PDZD2: variants seen among roughly 807,000 people sequenced by gnomAD.
PDZD2 encodes the protein PDZ domain-containing protein 2.
Under a neutral mutation model 220.7 loss-of-function variants are expected in PDZD2, and 90 were observed. The ratio of observed to expected loss-of-function variants is 0.41; its 90% CI spans 0.34 to 0.49. The LOEUF is 0.49. Among genes scored for constraint, PDZD2 ranks in the 20% least tolerant of loss-of-function variants. The pLI is 0.28. For missense variants in PDZD2, 3,174 were observed against 3,608.5 expected (o/e 0.88, Z 3.08); for synonymous variants, 1,375 against 1,450.5 (o/e 0.95, Z 1.18).
chr5:31,981,712 G>A (rs915184218), intron 2 of PDZD2, among the ~76,000 whole-genome samples: 4 of 152,170 alleles, frequency 2.6e-5, no homozygotes, highest in African/African-American at 4.8e-5. Flanking sequence ...TTGGGAACGA[G>A]TGATGTGTAG....
intron 2 of PDZD2, among the ~76,000 whole-genome samples, chr5:31,966,118 A>G (rs1199796864): frequency 6.6e-6 from 1 of 152,178 alleles, no homozygotes. Context: ...GTTGAATCCC[A>G]GCTCTACTGT....
At chr5:31,977,842 C>T (rs1035334581) in intron 2 of PDZD2, among the ~76,000 whole-genome samples, 6 of 152,252 alleles carry the variant, frequency 3.9e-5, no homozygotes, top group Non-Finnish European at 7.4e-5. Context: ...GGCATGGTAG[C>T]GTGCACCCGT....
chr5:31,711,144 G>A (rs989298695), intron 1 of PDZD2, among the ~76,000 whole-genome samples: 2 of 152,120 alleles, frequency 1.3e-5, no homozygotes, highest in African/African-American at 4.8e-5. Context: ...CAGGGTCCAC[G>A]CCAGATGTTC....
chr5:32,000,672 G>A lies in PDZD2; in HGVS notation c.1254+401G>A, dbSNP rs139145849. 0.033 allele frequency among the ~76,000 whole-genome samples: 5,086 copies of A among 152,042 alleles called. 287 individuals carry two copies. The highest frequency in any genetic ancestry group is 0.12 in the African/African-American group (4,776 of 41,444). ...ATTACAGCCACATGCCATCACACCC[G>A]GCTAATTTTGTATTTTTTATAGAGA... On this transcript the variant is annotated intron_variant, in intron 5 of 24. Coordinates refer to ENST00000438447, the MANE Select transcript of PDZD2 (RefSeq NM_178140.4). The surrounding 1 kb of genome is among the most constrained non-coding windows in gnomAD (Gnocchi z 4.5).
chr5:31,816,497 T>C (rs998763342), intron 2 of PDZD2, among the ~76,000 whole-genome samples: 11 of 152,128 alleles, frequency 7.2e-5, no homozygotes, highest in African/African-American at 2.4e-4. Context: ...AAAGTCATGC[T>C]ATGCAAAGGG....
intron 2 of PDZD2, among the ~76,000 whole-genome samples, chr5:31,891,795 A>C (rs1107904): frequency 6.6e-6 from 1 of 152,008 alleles, no homozygotes; most frequent in Non-Finnish European, 1.5e-5. Context: ...TGCCCAGATC[A>C]TGCCAGTGTG....
intron 2 of PDZD2, among the ~76,000 whole-genome samples, chr5:31,859,561 C>T (rs1320331779): frequency 6.6e-6 from 1 of 152,182 alleles, no homozygotes; most frequent in South Asian, 2.1e-4. Flanking sequence ...CTTCTCAATT[C>T]TCTGTAGATC....
At chr5:31,771,771 G>T (rs564474719) in intron 1 of PDZD2, among the ~76,000 whole-genome samples, 63 of 152,302 alleles carry the variant, frequency 4.1e-4, no homozygotes, top group African/African-American at 1.4e-3. Context: ...GTTAGTAAAG[G>T]ACAGTTGACG....
At chr5:31,899,868 G>C (rs747347387) in intron 2 of PDZD2, among the ~76,000 whole-genome samples, 3 of 152,194 alleles carry the variant, frequency 2.0e-5, no homozygotes, top group Non-Finnish European at 2.9e-5. Flanking sequence ...GAACCAGAAA[G>C]TGACTGTTGA....
At chr5:32,085,324 A>G (rs1742340004) in intron 19 of PDZD2, among the ~76,000 whole-genome samples, 1 of 149,650 alleles carries the variant, frequency 6.7e-6, no homozygotes, top group South Asian at 2.1e-4. Flanking sequence ...CAGTACATAT[A>G]TACATTGTGC....
intron 1 of PDZD2, among the ~76,000 whole-genome samples, chr5:31,751,282 G>A (rs1003458780): frequency 2.7e-5 from 4 of 150,272 alleles, no homozygotes; most frequent in African/African-American, 4.9e-5. Context: ...TAAATTGACC[G>A]TTTCTCCAGT....
At chr5:32,003,039 C>T (rs1752390149) in intron 5 of PDZD2, among the ~76,000 whole-genome samples, 1 of 137,812 alleles carries the variant, frequency 7.3e-6, no homozygotes, top group Non-Finnish European at 1.5e-5. Flanking sequence ...GCATACCATA[C>T]ACACACTACA....
chr5:31,999,279 T>TG (rs1486201987), intron 4 of PDZD2, among the ~76,000 whole-genome samples: 1 of 77,232 alleles, frequency 1.3e-5, no homozygotes. Context: ...TGGCGGGATT[T>TG]GTTTTTTTTT....
intron 2 of PDZD2, among the ~76,000 whole-genome samples, chr5:31,821,282 T>G (rs2150254967): frequency 7.5e-6 from 1 of 133,506 alleles, no homozygotes; most frequent in Admixed American, 7.9e-5. Flanking sequence ...GCATTTATTT[T>G]GATGGAAATT....
chr5:31,981,501 A>G (rs772325138), intron 2 of PDZD2, among the ~76,000 whole-genome samples: 5 of 152,100 alleles, frequency 3.3e-5, no homozygotes, highest in East Asian at 1.9e-4. Context: ...CCTCCTTCCA[A>G]TGTAATGTAA....
At chr5:31,949,460 C>T (rs1277046686) in intron 2 of PDZD2, among the ~76,000 whole-genome samples, 2 of 152,262 alleles carry the variant, frequency 1.3e-5, no homozygotes, top group East Asian at 3.9e-4. Flanking sequence ...CAAATATCTT[C>T]TGCCCTTTAA....
intron 2 of PDZD2, among the ~76,000 whole-genome samples, chr5:31,972,236 C>G (rs1041495604): frequency 1.1e-4 from 16 of 152,154 alleles, no homozygotes; most frequent in Non-Finnish European, 1.6e-4. Context: ...GCCTCAGCCT[C>G]CCAAGTAGCT....
chr5:31,680,890 G>A (rs926499605), intron 1 of PDZD2, among the ~76,000 whole-genome samples: 1 of 152,100 alleles, frequency 6.6e-6, no homozygotes, highest in Non-Finnish European at 1.5e-5. Flanking sequence ...CCACAGCAAC[G>A]GCCGCAGATC....
At chr5:31,794,119 T>C (rs1753871683) in intron 1 of PDZD2, among the ~76,000 whole-genome samples, 3 of 152,200 alleles carry the variant, frequency 2.0e-5, no homozygotes. Context: ...TTTCTGTTAT[T>C]GGTTTCTTTA....
Sources: gnomAD v4.1 joint callset for allele counts (sites outside exome capture counted in the v4.1 genomes callset) on GRCh38, gnomAD v4.1.1 for gene constraint, Gnocchi (gnomAD v3.1) non-coding constraint, MANE v1.5 for transcripts, NCBI Gene and HGNC (gene_info 2026-07-23, HGNC 2026-07-21) for gene names.